Variants in DCP1B observed in about 807,000 individuals in gnomAD.
The protein encoded by DCP1B is mRNA-decapping enzyme 1B.
DCP1B carries 47 observed loss-of-function variants against 60.5 expected under a neutral mutation model. The observed-to-expected ratio is 0.78, with a 90% confidence interval of 0.61 to 0.99. The LOEUF (loss-of-function observed/expected upper bound fraction) is 0.99, where lower values mean the gene tolerates loss of function less well. Ranked by LOEUF, DCP1B falls within the 50% of genes least tolerant of loss-of-function variation. The pLI, the probability that DCP1B is intolerant of heterozygous loss-of-function variation, is 0.00. For synonymous variants in DCP1B, 267 were observed against 280.3 expected, an observed-to-expected ratio of 0.95 and a Z score of 0.47; for missense variants, 725 against 756.8, an observed-to-expected ratio of 0.96 and a Z score of 0.49.
At position 1,965,547 on chromosome 12, in the gene DCP1B, C is replaced by A. The variant is rs1289520611; in HGVS notation, c.522+11G>T. On this transcript the variant is annotated intron_variant, in intron 5 of 8. Transcript: ENST00000280665. Reference sequence around the variant, plus strand: ...AGTGTGTATGTATCACAAGGAAGGGCAAACACTCACCTTTGTGTATTCGTC... The same window carrying A: ...AGTGTGTATGTATCACAAGGAAGGGAAAACACTCACCTTTGTGTATTCGTC... 6.2e-7 allele frequency: 1 copy of A among 1,608,010 alleles called. No individual in the cohort carries two copies.
At chr12:1,995,705 G>GGGC (rs1413816645) in intron 2 of DCP1B, among the ~76,000 whole-genome samples, 1 of 152,216 alleles carries the variant, frequency 6.6e-6, no homozygotes, top group Non-Finnish European at 1.5e-5. Flanking sequence ...TCTCTGTGCT[G>GGGC]TTCTAGTCCT....
In DCP1B at chr12:1,964,632, T is replaced by A. The variant is rs559057489; in HGVS notation, c.522+926A>T. On this transcript the variant is annotated intron_variant, in intron 5 of 8. Transcript: ENST00000280665. ...TAAGGTACAGACTCAGTTTTGTATT[T>A]TTCCAAATGGCTACCAGTTGCCCCA... 4.6e-5 allele frequency among the ~76,000 whole-genome samples: 7 copies of A among 152,318 alleles called. No individual in the cohort carries two copies. In the South Asian group the frequency reaches 1.4e-3, roughly 32 times the overall value.
intron 7 of DCP1B, 151 bp downstream of exon 7, chr12:1,952,265 T>C: frequency 2.1e-6 from 2 of 960,354 alleles, no homozygotes; most frequent in Non-Finnish European, 2.9e-6. Context: ...CCTCCGCCTC[T>C]TGAGCTCAAG....
intron 2 of DCP1B, among the ~76,000 whole-genome samples, chr12:1,996,294 T>A (rs1489208333): frequency 6.6e-6 from 1 of 152,052 alleles, no homozygotes; most frequent in Non-Finnish European, 1.5e-5. Context: ...AATCTCAAAA[T>A]CCAGAGTCTG....
Position 1,948,995 on chromosome 12 carries a change from A to G in DCP1B, c.1773+91T>C. 6.6e-7 allele frequency: 1 copy of G among 1,515,732 alleles called. No individual in the cohort carries two copies. Among genetic ancestry groups the G allele is most frequent in the Non-Finnish European group, 9.0e-7 (1 of 1,115,884 alleles). 93.9% of individuals were successfully genotyped at this position (1,515,732 alleles called of 1,614,324 possible). On this transcript the variant is annotated intron_variant, in intron 8 of 8. Coordinates refer to ENST00000280665, the MANE Select transcript of DCP1B (RefSeq NM_152640.5). The surrounding 1 kb of genome is among the most constrained non-coding windows in gnomAD (Gnocchi z 4.8). The stretch of plus-strand genomic sequence containing the variant: ...ACACCTGTTATTCTCACGGAAGCTA[A>G]GCAGGCCTTGGCTGAGTCTTTATCT...
Position 1,988,473 on chromosome 12 carries a change from C to T in DCP1B, c.319+4791G>A, listed in dbSNP as rs367678168. On this transcript the variant is annotated intron_variant, in intron 3 of 8. Coordinates refer to ENST00000280665, the MANE Select transcript of DCP1B (RefSeq NM_152640.5). ...TACCATTCTGCAGGGTGGGTCAATG[C>T]GTGGTATAGCCAACAGAGCAAAGAT... 2.6e-5 allele frequency among the ~76,000 whole-genome samples: 4 copies of T among 152,292 alleles called. No homozygotes were observed. In the East Asian group the frequency reaches 5.8e-4, roughly 22 times the overall value.
Position 1,946,242 on chromosome 12 carries a change from G to A in DCP1B, c.1818C>T (p.Phe606=). Residue 606 remains phenylalanine, a synonymous_variant, in exon 9 of 9, where the codon TTC becomes TTT. Transcript: ENST00000280665. ...FLNIIYEAYL[F]SMTQAAMKKT... ...TTTTCATGGCTGCTTGAGTCATGCT[G>A]AAGAGATAGGCTTCATAGATTATAT... 1 of 1,608,492 alleles carries A rather than the reference G, an allele frequency of 6.2e-7. No individual in the cohort carries two copies. Among genetic ancestry groups the A allele is most frequent in the Non-Finnish European group, 8.5e-7 (1 of 1,177,904 alleles).
chr12:1,945,537 A>G (rs1057022981), downstream of DCP1B, among the ~76,000 whole-genome samples: 85 of 152,236 alleles, frequency 5.6e-4, 1 homozygote, highest in African/African-American at 2.1e-3. Context: ...TTGTAACTCT[A>G]CTATAATCAA....
intron 3 of DCP1B, among the ~76,000 whole-genome samples, chr12:1,985,481 T>G (rs1267690528): frequency 6.6e-6 from 1 of 152,202 alleles, no homozygotes; most frequent in African/African-American, 2.4e-5. Flanking sequence ...TGCCAAGAAT[T>G]TCTATCTTTC....
At chr12:1,990,287 A>T (rs1029650016) in intron 3 of DCP1B, among the ~76,000 whole-genome samples, 1 of 152,264 alleles carries the variant, frequency 6.6e-6, no homozygotes, top group Non-Finnish European at 1.5e-5. Flanking sequence ...AAATGAATGA[A>T]TGAAATGTTT....
Position 1,971,041 on chromosome 12 carries a change from A to C in DCP1B, c.320-3131T>G. The C allele has an allele frequency of 7.9e-7, 1 of 1,273,764 alleles. No individual in the cohort carries two copies. Among genetic ancestry groups the C allele is most frequent in the Non-Finnish European group, 1.0e-6 (1 of 979,290 alleles). 78.9% of individuals were successfully genotyped at this position (1,273,764 alleles called of 1,614,324 possible). A position where few individuals can be genotyped will look rare whatever the true frequency, so the allele number is the denominator to read the frequency against. ...ATTTAGCTTTAAAAATCAACCAATT[A>C]ATATACATCTGGAAATTCACAATGC... On this transcript the variant is annotated intron_variant, in intron 3 of 8. Coordinates refer to ENST00000280665, the MANE Select transcript of DCP1B (RefSeq NM_152640.5). The surrounding 1 kb of genome is among the most constrained non-coding windows in gnomAD (Gnocchi z 4.2).
rs2030851263 is a variant in DCP1B at position 1,955,507 on chromosome 12, G to A, written c.576C>T (p.Asp192=). 1 of 1,613,940 alleles carries A rather than the reference G, an allele frequency of 6.2e-7. No individual in the cohort carries two copies. The highest frequency in any genetic ancestry group is 1.1e-5 in the South Asian group (1 of 91,074). The change falls in exon 6 of 9, where the codon GAC becomes GAT. Residue 192 remains aspartate, a synonymous_variant. Transcript: ENST00000280665. ...GAATTGGTTTGATGAGATTTGGATT[G>A]TCATAGATGGCAGAGGAACTGGTTA... The part of the protein sequence containing the change: ...KKITSSSAIY[D]NPNLIKPIPV...
intron 2 of DCP1B, among the ~76,000 whole-genome samples, chr12:1,996,649 A>C (rs12301102): frequency 8.5e-5 from 4 of 46,888 alleles, no homozygotes; most frequent in South Asian, 5.3e-4. Context: ...AAAAAAAAAA[A>C]AAAAAACAAC....
At chr12:1,957,562 C>T (rs2030929518) in intron 5 of DCP1B, among the ~76,000 whole-genome samples, 1 of 152,146 alleles carries the variant, frequency 6.6e-6, no homozygotes, top group African/African-American at 2.4e-5. Context: ...TCTTAAACCA[C>T]AAAACACAAA....
intron 1 of DCP1B, among the ~76,000 whole-genome samples, chr12:1,999,022 A>G (rs1473486644): frequency 6.6e-6 from 1 of 152,250 alleles, no homozygotes; most frequent in Non-Finnish European, 1.5e-5. Context: ...AGGCAATTTC[A>G]GCAAATTTCT....
intron 3 of DCP1B, among the ~76,000 whole-genome samples, chr12:1,979,141 T>G (rs1243044558): frequency 6.6e-6 from 1 of 152,036 alleles, no homozygotes; most frequent in Non-Finnish European, 1.5e-5. Flanking sequence ...GGCTCCCAAG[T>G]GGCTGGGATT....
chr12:1,964,914 A>G (rs1037895028), intron 5 of DCP1B, among the ~76,000 whole-genome samples: 4 of 151,216 alleles, frequency 2.6e-5, no homozygotes, highest in African/African-American at 9.7e-5. Flanking sequence ...CTAATATCAC[A>G]CTTCTTTGCC....
chr12:1,966,302 C>T (rs1014618142), intron 4 of DCP1B, among the ~76,000 whole-genome samples: 15 of 152,150 alleles, frequency 9.9e-5, no homozygotes, highest in African/African-American at 3.4e-4. Flanking sequence ...CATTCTAACT[C>T]GGAGAAGAGG....
At chr12:1,950,020 A>G in intron 7 of DCP1B, 1 of 336,898 alleles carries the variant, frequency 3.0e-6, no homozygotes, top group Non-Finnish European at 5.5e-6. Context: ...TCAGTTATGC[A>G]AGTGACATTT....
Sources: allele counts gnomAD v4.1 joint callset (sites outside exome capture counted in the v4.1 genomes callset), GRCh38; gene constraint gnomAD v4.1.1; non-coding constraint Gnocchi (gnomAD v3.1); transcripts MANE v1.5; gene names NCBI Gene and HGNC (gene_info 2026-07-23, HGNC 2026-07-21).